Variants in ATP10D observed in about 807,000 individuals in gnomAD.
ATP10D encodes ATPase phospholipid transporting 10D (putative).
Under a neutral mutation model 144.8 loss-of-function variants are expected in ATP10D, and 89 were observed. That is an observed-to-expected ratio of 0.61 (90% CI 0.52 to 0.73). The LOEUF is 0.73. ATP10D is among the 30% of genes least tolerant of loss of function. The probability of loss-of-function intolerance (pLI) is 0.00; values close to 1 mark genes in which losing one functional copy is unlikely to be tolerated. For synonymous variants in ATP10D, 571 were observed against 615.1 expected, an observed-to-expected ratio of 0.93 and a Z score of 1.06; for missense variants, 1,603 against 1,714.8, an observed-to-expected ratio of 0.93 and a Z score of 1.15.
At chr4:47,493,895 A>G (rs1418590268) in intron 1 of ATP10D, among the ~76,000 whole-genome samples, 1 of 152,186 alleles carries the variant, frequency 6.6e-6, no homozygotes, top group Non-Finnish European at 1.5e-5. Flanking sequence ...GCTTGGAGTA[A>G]GATCCTCAGG....
chr4:47,528,511 G>A (rs60264057), intron 5 of ATP10D, among the ~76,000 whole-genome samples: 40,179 of 73,520 alleles, frequency 0.55, 7,716 homozygotes, highest in East Asian at 0.67. Flanking sequence ...GTGTGTGTGT[G>A]TGTATATATA....
chr4:47,491,094 GGTACTT>G (rs1715051791), intron 1 of ATP10D: 1 of 730,586 alleles, frequency 1.4e-6, no homozygotes, highest in Admixed American at 1.8e-5. Context: ...GTTGAACCCA[GGTACTT>G]TTCTCTTTGG....
intron 6 of ATP10D, 107 bp downstream of exon 6, chr4:47,535,722 C>A: frequency 7.3e-7 from 1 of 1,367,036 alleles, no homozygotes; most frequent in South Asian, 1.5e-5. Context: ...GAAATTTTGC[C>A]TGATAAACTT....
chr4:47,486,339 A>C (rs1714756948), intron 1 of ATP10D, among the ~76,000 whole-genome samples: 1 of 152,262 alleles, frequency 6.6e-6, no homozygotes, highest in African/African-American at 2.4e-5. Context: ...GATCTGAATA[A>C]GACCAAAGTT....
In ATP10D at chr4:47,568,942, G is replaced by C. The variant is rs137994896; in HGVS notation, c.2959G>C (p.Val987Leu). The C allele has an allele frequency of 6.2e-7, 1 of 1,614,148 alleles. No individual in the cohort carries two copies. The highest frequency in any genetic ancestry group is 8.5e-7 in the Non-Finnish European group (1 of 1,180,036). The change falls in exon 16 of 23, where the codon GTC becomes CTC. Residue 987 changes from valine to leucine, a missense_variant. Physicochemically the swap from Val to Leu is conservative, Grantham distance 32 (BLOSUM62 1). Transcript: ENST00000273859. ...SLSEDLLQPP[V>L]PRDSGLRAGL... ...AAGTGAAGATTTACTTCAGCCTCCTGTCCCCCGGGACTCAGGGTTACGAGC... is the reference window on the plus strand; with the variant it reads ...AAGTGAAGATTTACTTCAGCCTCCTCTCCCCCGGGACTCAGGGTTACGAGC...
intron 9 of ATP10D, among the ~76,000 whole-genome samples, chr4:47,544,329 A>T (rs562110308): frequency 6.6e-6 from 1 of 152,248 alleles, no homozygotes. Flanking sequence ...GTATAGCTAC[A>T]GAGGTCTTTG....
At position 47,576,856 on chromosome 4, in the gene ATP10D, C is replaced by T. The variant is rs770249017; in HGVS notation, c.3450C>T (p.Phe1150=). 3 of 1,614,012 alleles carry T rather than the reference C, an allele frequency of 1.9e-6. No individual in the cohort carries two copies. The Admixed American group carries it at 5.0e-5, about 27-fold the overall frequency. ...TGACTGATTACTGGGTTTTGATCTT[C>T]TTCAACCTCCTCTTCACATCTGCCC... ...TSMTDYWVLI[F]FNLLFTSAPP... The change falls in exon 19 of 23, where the codon TTC becomes TTT. Residue 1150 remains phenylalanine (F), a synonymous_variant. Coordinates refer to ENST00000273859, the MANE Select transcript of ATP10D (RefSeq NM_020453.4).
intron 21 of ATP10D, among the ~76,000 whole-genome samples, chr4:47,584,393 G>A (rs540188088): frequency 6.6e-6 from 1 of 151,666 alleles, no homozygotes; most frequent in African/African-American, 2.4e-5. Flanking sequence ...GTTTGTTTTT[G>A]TTGTTGTTGT....
chr4:47,536,393 C>T, intron 7 of ATP10D, 44 bp from the exon 8 acceptor site: 1 of 1,599,984 alleles, frequency 6.3e-7, no homozygotes. Context: ...TGTTTGCATG[C>T]CATATATTTA....
intron 1 of ATP10D, among the ~76,000 whole-genome samples, chr4:47,510,160 C>T (rs1171476023): frequency 6.6e-6 from 1 of 152,006 alleles, no homozygotes; most frequent in African/African-American, 2.4e-5. Flanking sequence ...TACCTCCAAG[C>T]CTAGGCTTTT....
chr4:47,516,054 A>T (rs562559610), intron 3 of ATP10D, among the ~76,000 whole-genome samples: 1 of 151,854 alleles, frequency 6.6e-6, no homozygotes, highest in Admixed American at 6.6e-5. Flanking sequence ...ACATGATGAA[A>T]CCCTGTCTCT....
chr4:47,585,260 CA>C (rs1054702894), intron 21 of ATP10D, among the ~76,000 whole-genome samples: 118 of 142,338 alleles, frequency 8.3e-4, no homozygotes, highest in East Asian at 3.7e-3. Context: ...AAGTTGGTGC[CA>C]AAAAAAAAAC....
intron 9 of ATP10D, among the ~76,000 whole-genome samples, chr4:47,539,338 C>G (rs28515174): frequency 0.029 from 4,470 of 152,134 alleles, 232 homozygotes; most frequent in African/African-American, 0.1. Flanking sequence ...AATCACCATG[C>G]AAATGTAAAA....
chr4:47,520,857 G>T (rs1483278200), intron 3 of ATP10D, among the ~76,000 whole-genome samples: 3 of 152,080 alleles, frequency 2.0e-5, no homozygotes, highest in African/African-American at 7.2e-5. Context: ...ATGAGCCACC[G>T]TGCCCGGCCT....
chr4:47,575,189 G>GAA (rs962791205), intron 18 of ATP10D, among the ~76,000 whole-genome samples: 1 of 152,082 alleles, frequency 6.6e-6, no homozygotes, highest in African/African-American at 2.4e-5. Flanking sequence ...TACAGAGGAG[G>GAA]AAATAATAAT....
chr4:47,495,699 T>C (rs1310222751), intron 1 of ATP10D, among the ~76,000 whole-genome samples: 1 of 152,192 alleles, frequency 6.6e-6, no homozygotes, highest in Non-Finnish European at 1.5e-5. Flanking sequence ...TTATAAACTT[T>C]AAGCATTTTA....
intron 10 of ATP10D, among the ~76,000 whole-genome samples, chr4:47,547,966 T>C (rs2109436818): frequency 6.6e-6 from 1 of 152,360 alleles, no homozygotes; most frequent in South Asian, 2.1e-4. Flanking sequence ...AAGAAGAATG[T>C]ACACAGTTCA....
At chr4:47,547,786 C>T (rs1718518905) in intron 10 of ATP10D, among the ~76,000 whole-genome samples, 1 of 152,058 alleles carries the variant, frequency 6.6e-6, no homozygotes. Context: ...CTCGAACTTC[C>T]CAGGATCCTG....
intron 1 of ATP10D, chr4:47,491,287 C>T: frequency 1.2e-6 from 1 of 856,720 alleles, no homozygotes; most frequent in East Asian, 2.8e-5. Flanking sequence ...CCAGTTTTGC[C>T]ATGGTAACAC....
Sources: gnomAD v4.1 joint callset for allele counts (sites outside exome capture counted in the v4.1 genomes callset) on GRCh38, gnomAD v4.1.1 for gene constraint, MANE v1.5 for transcripts, NCBI Gene and HGNC (gene_info 2026-07-23, HGNC 2026-07-21) for gene names.